Variants in CHODL observed in about 807,000 individuals in gnomAD.
CHODL encodes the protein chondrolectin, also known as transmembrane protein MT75.
In CHODL, 29 loss-of-function variants were observed where a neutral mutation model predicts 34.5. The observed-to-expected ratio is 0.84, with a 90% CI of 0.63 to 1.15. The LOEUF is 1.15. CHODL is among the 50% of genes most tolerant of loss of function. The probability of loss-of-function intolerance (pLI) is 0.00; values close to 1 mark genes in which losing one functional copy is unlikely to be tolerated. For missense variants in CHODL, 332 were observed against 332.5 expected, an observed-to-expected ratio of 1.00 and a Z score of 0.01; for synonymous variants, 125 against 116.1, an observed-to-expected ratio of 1.08 and a Z score of -0.49.
chr21:18,252,669 C>G (rs2074272037), intron 1 of CHODL, among the ~76,000 whole-genome samples: 1 of 152,114 alleles, frequency 6.6e-6, no homozygotes, highest in Non-Finnish European at 1.5e-5. Flanking sequence ...TATATAAACC[C>G]ATAAAAATTG....
rs147187853 is a variant in CHODL at position 18,043,584 on chromosome 21, C to T, written c.-45+15613C>T. Among the ~76,000 whole-genome samples, 48 of 151,956 alleles carry T rather than the reference C, an allele frequency of 3.2e-4. No individual in the cohort carries two copies. In the East Asian group the frequency reaches 8.4e-3, roughly 27 times the overall value. On this transcript the variant is annotated intron_variant, in intron 2 of 6. Transcript: ENST00000400127. ...GCCATTCTTTCCATTCTCACTAGAA[C>T]GTGCTTAGGTTCCAGAAGGATGACA...
At chr21:17,977,938 A>G (rs918283482) in intron 1 of CHODL, among the ~76,000 whole-genome samples, 8 of 151,158 alleles carry the variant, frequency 5.3e-5, no homozygotes, top group Non-Finnish European at 1.2e-4. Context: ...AAAAAAAGAA[A>G]AAGATACATG....
intron 1 of CHODL, among the ~76,000 whole-genome samples, chr21:18,008,809 G>A (rs930158619): frequency 1.3e-5 from 2 of 152,032 alleles, no homozygotes; most frequent in South Asian, 2.1e-4. Context: ...ATGTTACTCC[G>A]TTGGCATATT....
At chr21:18,168,661 T>C (rs572698854) in intron 2 of CHODL, among the ~76,000 whole-genome samples, 10 of 152,234 alleles carry the variant, frequency 6.6e-5, no homozygotes, top group Non-Finnish European at 1.5e-4. Context: ...CTTTATATAT[T>C]CTGGATACCA....
At chr21:18,081,314 G>T (rs1240339336) in intron 2 of CHODL, among the ~76,000 whole-genome samples, 1 of 151,894 alleles carries the variant, frequency 6.6e-6, no homozygotes, top group African/African-American at 2.4e-5. Context: ...TTCCAATTTG[G>T]ATGCTTTTTA....
At chr21:18,220,283 A>G (rs1218349255) in intron 2 of CHODL, among the ~76,000 whole-genome samples, 2 of 152,148 alleles carry the variant, frequency 1.3e-5, no homozygotes, top group Non-Finnish European at 2.9e-5. Flanking sequence ...CCATTCAGCC[A>G]GTGTACATCT....
At chr21:18,033,977 C>T (rs1472297523) in intron 2 of CHODL, among the ~76,000 whole-genome samples, 2 of 151,872 alleles carry the variant, frequency 1.3e-5, no homozygotes, top group Admixed American at 6.6e-5. Flanking sequence ...TGAGTATCAG[C>T]GTGATTTCAG....
At chr21:18,148,028 A>C (rs541018603) in intron 2 of CHODL, among the ~76,000 whole-genome samples, 1 of 152,298 alleles carries the variant, frequency 6.6e-6, no homozygotes, top group African/African-American at 2.4e-5. Flanking sequence ...ATGTGGGAGA[A>C]GTCCACATAA....
chr21:18,073,163 C>T (rs144048492), intron 2 of CHODL, among the ~76,000 whole-genome samples: 1 of 152,066 alleles, frequency 6.6e-6, no homozygotes, highest in Admixed American at 6.6e-5. Flanking sequence ...ATTATTAATA[C>T]TCCTACATAG....
chr21:18,086,499 C>A (rs1355770681), intron 2 of CHODL, among the ~76,000 whole-genome samples: 2 of 151,988 alleles, frequency 1.3e-5, no homozygotes, highest in African/African-American at 4.8e-5. Context: ...AATTGTAGGG[C>A]AGAATTTTTT....
At position 18,111,516 on chromosome 21, in the gene CHODL, C is replaced by T. The variant is rs376025331; in HGVS notation, c.-45+83545C>T. Reference sequence around the variant, plus strand: ...TCTCTTATTTTATGTCACCTGGACTCAGTCCAATTATTGCATCAGTTTTCT... The same window carrying T: ...TCTCTTATTTTATGTCACCTGGACTTAGTCCAATTATTGCATCAGTTTTCT... On this transcript the variant is annotated intron_variant, in intron 2 of 6. Coordinates refer to the CHODL transcript ENST00000400127. 2.2e-4 allele frequency among the ~76,000 whole-genome samples: 34 copies of T among 152,254 alleles called. No homozygotes were observed. In the East Asian group the frequency reaches 5.2e-3, roughly 23 times the overall value.
At chr21:18,265,509 T>C (rs1424915707) in intron 5 of CHODL, among the ~76,000 whole-genome samples, 2 of 151,750 alleles carry the variant, frequency 1.3e-5, no homozygotes, top group African/African-American at 4.9e-5. Context: ...CAGTGGACTT[T>C]GGGGACTCAG....
At chr21:18,129,281 T>A (rs202160301) in intron 2 of CHODL, among the ~76,000 whole-genome samples, 1 of 146,924 alleles carries the variant, frequency 6.8e-6, no homozygotes, top group Non-Finnish European at 1.5e-5. Context: ...TTTTTTTTTT[T>A]AACCATTTAC....
At chr21:17,920,816 A>G (rs549027213) in intron 1 of CHODL, among the ~76,000 whole-genome samples, 7 of 152,328 alleles carry the variant, frequency 4.6e-5, no homozygotes, top group African/African-American at 1.4e-4. Flanking sequence ...AGACAAAGAT[A>G]AGGATCTGAA....
chr21:18,266,215 A>G lies in CHODL; in HGVS notation c.*177A>G. 1 of 1,526,896 alleles carries G rather than the reference A, an allele frequency of 6.5e-7. No individual in the cohort carries two copies. Among genetic ancestry groups the G allele is most frequent in the Non-Finnish European group, 8.8e-7 (1 of 1,136,300 alleles). 94.6% of individuals were successfully genotyped at this position (1,526,896 alleles called of 1,614,324 possible). A position where few individuals can be genotyped will look rare whatever the true frequency, so the allele number is the denominator to read the frequency against. Reference sequence around the variant, plus strand: ...ATGTCTATTATTTCATTTAAAGAATATGCTGTGCTAATAATGGAGTGAGAC... The same window carrying G: ...ATGTCTATTATTTCATTTAAAGAATGTGCTGTGCTAATAATGGAGTGAGAC... On this transcript the variant is annotated 3_prime_UTR_variant, in exon 6 of 6. Coordinates refer to ENST00000299295, the MANE Select transcript of CHODL (RefSeq NM_024944.3).
Position 18,137,466 on chromosome 21 carries a change from C to T in CHODL, c.-45+109495C>T, listed in dbSNP as rs140357543. Among the ~76,000 whole-genome samples, 411 of 152,202 alleles carry T rather than the reference C, an allele frequency of 2.7e-3. 3 individuals carry two copies. The highest frequency in any genetic ancestry group is 9.2e-3 in the African/African-American group (384 of 41,534). ...TATTTCCTCATTTACCTACTTAGAGCGTTTTTCAACAGGTGCCTTTCTCCC... is the reference window on the plus strand; with the variant it reads ...TATTTCCTCATTTACCTACTTAGAGTGTTTTTCAACAGGTGCCTTTCTCCC... On this transcript the variant is annotated intron_variant, in intron 2 of 6. Coordinates refer to the CHODL transcript ENST00000400127.
rs116978035 is a variant in CHODL, at chr21:18,096,909, G to A, written c.-45+68938G>A. 7.6e-3 allele frequency among the ~76,000 whole-genome samples: 1,150 copies of A among 152,108 alleles called. 10 individuals are homozygous for A. Among genetic ancestry groups the A allele is most frequent in the Admixed American group, 0.012 (183 of 15,278 alleles). On this transcript the variant is annotated intron_variant, in intron 2 of 6. Transcript: ENST00000400127. ...CCTACCAATATGTGATGGCACCCTCGGAGGCCCAGCTATAAAATTTCTCTG... is the reference window on the plus strand; with the variant it reads ...CCTACCAATATGTGATGGCACCCTCAGAGGCCCAGCTATAAAATTTCTCTG...
chr21:18,096,581 C>T (rs563217981), intron 2 of CHODL, among the ~76,000 whole-genome samples: 1 of 152,230 alleles, frequency 6.6e-6, no homozygotes, highest in African/African-American at 2.4e-5. Flanking sequence ...TCCTGCAGTG[C>T]CCTCAGGCTT....
intron 1 of CHODL, among the ~76,000 whole-genome samples, chr21:17,946,172 C>G (rs559286011): frequency 6.6e-6 from 1 of 152,194 alleles, no homozygotes; most frequent in Non-Finnish European, 1.5e-5. Context: ...AATCCCAGCA[C>G]TTTGGGAGGC....
Sources: allele counts gnomAD v4.1 joint callset (sites outside exome capture counted in the v4.1 genomes callset), GRCh38; gene constraint gnomAD v4.1.1; transcripts MANE v1.5; gene names NCBI Gene and HGNC (gene_info 2026-07-23, HGNC 2026-07-21).